The following TLK1 variants were observed in gnomAD, a reference collection of about 807,000 sequenced individuals.
TLK1 encodes the protein tousled like kinase 1, also known as serine/threonine-protein kinase tousled-like 1.
A neutral mutation model predicts 105.3 loss-of-function variants in TLK1; 24 were observed. That is an observed-to-expected ratio of 0.23 (90% CI 0.17 to 0.32). The LOEUF is 0.32. Among genes scored for constraint, TLK1 ranks in the 10% least tolerant of loss-of-function variants. The pLI, the probability that TLK1 is intolerant of heterozygous loss-of-function variation, is 1.00. For missense variants in TLK1, 558 were observed against 910.5 expected, an observed-to-expected ratio of 0.61 and a Z score of 4.98; for synonymous variants, 321 against 310.4, an observed-to-expected ratio of 1.03 and a Z score of -0.36.
intron 1 of TLK1, among the ~76,000 whole-genome samples, chr2:171,138,344 T>C (rs1691427769): frequency 6.6e-6 from 1 of 152,162 alleles, no homozygotes; most frequent in Non-Finnish European, 1.5e-5. Flanking sequence ...TAATAGCAAA[T>C]AGAGAGTAGA....
At chr2:171,058,129 A>G in intron 5 of TLK1, 22 bp downstream of exon 5, 9 of 1,612,690 alleles carry the variant, frequency 5.6e-6, no homozygotes, top group Non-Finnish European at 7.6e-6. Flanking sequence ...TAGGAAATGG[A>G]GACAATCCTC....
At chr2:171,194,940 A>G (rs961132321) in intron 1 of TLK1, among the ~76,000 whole-genome samples, 1 of 152,174 alleles carries the variant, frequency 6.6e-6, no homozygotes, top group African/African-American at 2.4e-5. Context: ...GGCAATCACT[A>G]CACGAATCAC....
intron 3 of TLK1, among the ~76,000 whole-genome samples, chr2:171,073,338 T>C (rs1184631538): frequency 6.6e-6 from 1 of 152,140 alleles, no homozygotes; most frequent in Admixed American, 6.5e-5. Flanking sequence ...ACATCGAATA[T>C]ACTTTTTTAA....
At chr2:171,142,200 AC>A (rs1691605294) in intron 1 of TLK1, among the ~76,000 whole-genome samples, 1 of 152,164 alleles carries the variant, frequency 6.6e-6, no homozygotes. Flanking sequence ...GGTATTTGGA[AC>A]AAAAAATAAT....
At chr2:171,031,075 AT>A (rs1431133641) in intron 11 of TLK1, among the ~76,000 whole-genome samples, 4 of 151,870 alleles carry the variant, frequency 2.6e-5, no homozygotes, top group Non-Finnish European at 5.9e-5. Context: ...AATTTTACAT[AT>A]ATATAATTTT....
In TLK1 at chr2:170,996,701, G is replaced by A; in HGVS notation, c.2076C>T (p.Ala692=). The change falls in exon 20 of 21, where the codon GCC becomes GCT. Residue 692 remains alanine (A), a synonymous_variant. Coordinates refer to ENST00000431350, the MANE Select transcript of TLK1 (RefSeq NM_012290.5). ...DILQENTILK[A]TEVQFPVKPV... is the part of the protein sequence containing the mutation. ...GTTTTACAGGGAACTGGACTTCTGT[G>A]GCTTTTAATATTGTATTTTCTTGAA... The A allele has an allele frequency of 6.2e-7, 1 of 1,613,734 alleles. No individual in the cohort carries two copies. Among genetic ancestry groups the A allele is most frequent in the Non-Finnish European group, 8.5e-7 (1 of 1,179,876 alleles).
intron 1 of TLK1, among the ~76,000 whole-genome samples, chr2:171,127,603 A>T (rs1690923486): frequency 6.6e-6 from 1 of 152,088 alleles, no homozygotes; most frequent in Non-Finnish European, 1.5e-5. Flanking sequence ...GAATTCAATA[A>T]ACCCATTTCC....
chr2:171,091,786 C>T (rs554052465), intron 2 of TLK1: 8 of 152,260 alleles, frequency 5.3e-5, no homozygotes, highest in Admixed American at 6.6e-5. Context: ...ACTCTGTCTC[C>T]CAGGCTGGAG....
At chr2:171,086,491 T>C (rs1363014164) in intron 2 of TLK1, among the ~76,000 whole-genome samples, 1 of 152,028 alleles carries the variant, frequency 6.6e-6, no homozygotes, top group Non-Finnish European at 1.5e-5. Context: ...CCAGGCGTCA[T>C]GGCGCATGCC....
At chr2:171,082,284 G>A (rs1212294421) in intron 3 of TLK1, among the ~76,000 whole-genome samples, 1 of 151,952 alleles carries the variant, frequency 6.6e-6, no homozygotes, top group Non-Finnish European at 1.5e-5. Flanking sequence ...GTAAAAGGGG[G>A]AGGGATTAAG....
Position 170,993,683 on chromosome 2 carries a change from AAAAAAAAG to A in TLK1, c.*89_*96del, listed in dbSNP as rs1683898914. 3.1e-6 allele frequency: 3 copies of A among 974,880 alleles called. No homozygotes were observed. Among genetic ancestry groups the A allele is most frequent in the Non-Finnish European group, 4.1e-6 (3 of 728,166 alleles). 60.4% of individuals were successfully genotyped at this position (974,880 alleles called of 1,614,324 possible). A position where few individuals can be genotyped will look rare whatever the true frequency, so the allele number is the denominator to read the frequency against. ...ACGTCTTGTGTAAAAAAAAAAAAAA[AAAAAAAAG>A]AAAAAGAAAACAAACACTCAAATGC... On this transcript the variant is annotated 3_prime_UTR_variant, in exon 21 of 21. Coordinates refer to ENST00000431350, the MANE Select transcript of TLK1 (RefSeq NM_012290.5).
At position 171,011,430 on chromosome 2, in the gene TLK1, A is replaced by T; in HGVS notation, c.1359T>A (p.Asn453Lys). The change falls in exon 14 of 21, where the codon AAT (asparagine) becomes AAA (lysine). Residue 453 changes from asparagine to lysine, a missense_variant. This residue lies in a region of TLK1 where 218 missense variants were observed against 492.9 expected (regional missense o/e 0.44). Transcript: ENST00000431350. ...GCAGATGAAGTAATAAATATCTTTC[A>T]TTTAATGTTGGGTGATCTTTGAACC... The part of the protein sequence containing the change: ...NSQFKDHPTL[N>K]ERYLLLHLLG... The T allele has an allele frequency of 6.2e-7, 1 of 1,613,520 alleles. No homozygotes were observed. The highest frequency in any genetic ancestry group is 8.5e-7 in the Non-Finnish European group (1 of 1,179,692).
intron 2 of TLK1, among the ~76,000 whole-genome samples, chr2:171,106,174 T>C (rs183499670): frequency 6.6e-6 from 1 of 152,270 alleles, no homozygotes; most frequent in Non-Finnish European, 1.5e-5. Flanking sequence ...GACAGCAGAA[T>C]AGAGGCAGGG....
intron 1 of TLK1, among the ~76,000 whole-genome samples, chr2:171,136,043 G>A (rs1319331393): frequency 2.6e-5 from 4 of 152,120 alleles, no homozygotes; most frequent in South Asian, 2.1e-4. Flanking sequence ...CACTACTCAC[G>A]ATACCCAAGA....
rs760093463 is a variant in TLK1, at chr2:170,993,889, T to A, written c.2192A>T (p.Asp731Val). 6.2e-7 allele frequency: 1 copy of A among 1,612,512 alleles called. No homozygotes were observed. Among genetic ancestry groups the A allele is most frequent in the Non-Finnish European group, 8.5e-7 (1 of 1,179,390 alleles). Residue 731 changes from aspartate (D) to valine (V), a missense_variant, in exon 21 of 21, where the codon GAC becomes GTC. Physicochemically the swap from Asp to Val is radical, Grantham distance 152. Transcript: ENST00000431350. ...DRFDVHQLAN[D>V]PYLLPHMRRS... ...TCTCATGTGTGGGAGAAGGTATGGG[T>A]CATTTGCCAGCTGGTGCACATCAAA...
intron 18 of TLK1, among the ~76,000 whole-genome samples, chr2:171,003,610 C>T (rs1489017648): frequency 6.6e-6 from 1 of 152,144 alleles, no homozygotes; most frequent in Non-Finnish European, 1.5e-5. Flanking sequence ...AGGCCTTTTA[C>T]TGGAGAGATT....
intron 18 of TLK1, among the ~76,000 whole-genome samples, chr2:171,000,359 A>G (rs573997933): frequency 1.0e-3 from 141 of 138,300 alleles, no homozygotes; most frequent in Non-Finnish European, 1.7e-3. Context: ...AGCCTGGGTG[A>G]CAGAGCGAAA....
Position 171,160,230 on chromosome 2 carries a change from C to A in TLK1, c.139+60G>T. The A allele has an allele frequency of 8.0e-7, 1 of 1,243,586 alleles. No homozygotes were observed. Among genetic ancestry groups the A allele is most frequent in the Non-Finnish European group, 1.0e-6 (1 of 980,108 alleles). The allele number at this position is 1,243,586 out of a possible 1,614,324, so 77.0% of individuals were successfully genotyped here. On this transcript the variant is annotated intron_variant, in intron 1 of 20. Transcript: ENST00000431350. This position sits in a 1 kb window ranked among gnomAD's most constrained non-coding sequence, Gnocchi z 4.4. ...GGGCGGGGGGGGCGGGGGGGGGGCG[C>A]GGGGGTCCGCGGCGCGGGAGAGGAG...
intron 19 of TLK1, among the ~76,000 whole-genome samples, chr2:170,997,327 C>T (rs1357928866): frequency 2.0e-5 from 3 of 152,030 alleles, no homozygotes; most frequent in African/African-American, 4.8e-5. Context: ...GATGGTATTT[C>T]CCTGATGAGC....
Sources: gnomAD v4.1 joint callset for allele counts (sites outside exome capture counted in the v4.1 genomes callset) on GRCh38, gnomAD v4.1.1 for gene constraint, gnomAD v4.1.1 regional missense constraint, Gnocchi (gnomAD v3.1) non-coding constraint, MANE v1.5 for transcripts, NCBI Gene and HGNC (gene_info 2026-07-23, HGNC 2026-07-21) for gene names.